Variants in NELL2 observed in about 807,000 individuals in gnomAD.
NELL2 encodes the protein protein kinase C-binding protein NELL2.
NELL2 carries 41 observed loss-of-function variants against 109.6 expected under a neutral mutation model. That is an observed-to-expected ratio of 0.37 (90% CI 0.29 to 0.49). The LOEUF (loss-of-function observed/expected upper bound fraction) is 0.49, where lower values mean the gene tolerates loss of function less well. Among genes scored for constraint, NELL2 ranks in the 20% least tolerant of loss-of-function variants. The pLI is 0.98. For missense variants in NELL2, 900 were observed against 1,008.3 expected (o/e 0.89, Z 1.45); for synonymous variants, 355 against 344.7 (o/e 1.03, Z -0.33).
chr12:44,644,601 T>C (rs1464671261), intron 13 of NELL2, among the ~76,000 whole-genome samples: 1 of 77,682 alleles, frequency 1.3e-5, no homozygotes, highest in African/African-American at 5.9e-5. Context: ...TATATATATA[T>C]ATGTATGTAT....
In NELL2 at chr12:44,586,319, T is replaced by C. The variant is rs552196485; in HGVS notation, c.1663+20850A>G. Among the ~76,000 whole-genome samples the C allele has an allele frequency of 1.0e-3, 157 of 150,104 alleles. 1 individual carries two copies. The highest frequency in any genetic ancestry group is 3.5e-3 in the African/African-American group (145 of 41,174). ...ATAGATATATACACACACACATATA[T>C]ATAAAATCATATATATCGTATGTAT... On this transcript the variant is annotated intron_variant, in intron 15 of 19. Coordinates refer to ENST00000429094, the MANE Select transcript of NELL2 (RefSeq NM_001145108.2).
chr12:44,804,173 C>T (rs1248787844), intron 3 of NELL2, among the ~76,000 whole-genome samples: 1 of 151,830 alleles, frequency 6.6e-6, no homozygotes, highest in Non-Finnish European at 1.5e-5. Context: ...ATCCCACAAT[C>T]AAGTGTAATT....
intron 15 of NELL2, among the ~76,000 whole-genome samples, chr12:44,586,775 G>A (rs752611018): frequency 6.6e-6 from 1 of 152,118 alleles, no homozygotes; most frequent in Non-Finnish European, 1.5e-5. Flanking sequence ...TAAGATATAA[G>A]GGTTATTTTT....
At chr12:44,794,785 C>T (rs116613682) in intron 3 of NELL2, among the ~76,000 whole-genome samples, 2,198 of 152,186 alleles carry the variant, frequency 0.014, 50 homozygotes, top group African/African-American at 0.05. Flanking sequence ...TAATTTTTAA[C>T]CTTATTTTTA....
intron 9 of NELL2, among the ~76,000 whole-genome samples, chr12:44,717,758 T>C (rs761811983): frequency 2.0e-5 from 3 of 152,116 alleles, no homozygotes; most frequent in Non-Finnish European, 4.4e-5. Context: ...GCCAGAGACA[T>C]AGCTTGGTGC....
chr12:44,512,954 G>T (rs115649001), intron 19 of NELL2, among the ~76,000 whole-genome samples: 1 of 151,926 alleles, frequency 6.6e-6, no homozygotes, highest in East Asian at 1.9e-4. Context: ...CAGAAATCTA[G>T]AAGAAAGGAT....
At chr12:44,865,959 G>A (rs1318177154) in intron 2 of NELL2, among the ~76,000 whole-genome samples, 3 of 152,078 alleles carry the variant, frequency 2.0e-5, no homozygotes, top group African/African-American at 7.2e-5. Flanking sequence ...AATGCATAAT[G>A]TGATATTATC....
chr12:44,871,344 T>C (rs1945154693), intron 2 of NELL2, among the ~76,000 whole-genome samples: 1 of 152,212 alleles, frequency 6.6e-6, no homozygotes, highest in Non-Finnish European at 1.5e-5. Context: ...CACTATGAAA[T>C]CAAAGTTAAG....
intron 15 of NELL2, among the ~76,000 whole-genome samples, chr12:44,551,583 T>C (rs991636943): frequency 6.6e-5 from 10 of 152,140 alleles, no homozygotes; most frequent in East Asian, 1.9e-4. Context: ...CCAAGTGCCT[T>C]CTCCCCCTTC....
At chr12:44,676,753 TC>T (rs879521952) in intron 12 of NELL2, among the ~76,000 whole-genome samples, 29 of 152,044 alleles carry the variant, frequency 1.9e-4, no homozygotes, top group Non-Finnish European at 3.5e-4. Flanking sequence ...TAGGAAAATC[TC>T]AGACAGGGTT....
chr12:44,822,393 G>T (rs1220187100), intron 2 of NELL2, among the ~76,000 whole-genome samples: 1 of 152,146 alleles, frequency 6.6e-6, no homozygotes, highest in Non-Finnish European at 1.5e-5. Flanking sequence ...CAAAATATCA[G>T]TTTCCAAGTT....
intron 15 of NELL2, among the ~76,000 whole-genome samples, chr12:44,599,296 C>T (rs1465566125): frequency 6.6e-6 from 1 of 151,814 alleles, no homozygotes; most frequent in Non-Finnish European, 1.5e-5. Context: ...TAGAGCAATG[C>T]TGTAAATTTT....
chr12:44,800,675 T>G (rs1942798260), intron 3 of NELL2, among the ~76,000 whole-genome samples: 1 of 152,196 alleles, frequency 6.6e-6, no homozygotes, highest in African/African-American at 2.4e-5. Context: ...TTCTCTTACG[T>G]TAACAATTTG....
chr12:44,833,782 T>C (rs576693161), intron 2 of NELL2, among the ~76,000 whole-genome samples: 1 of 152,288 alleles, frequency 6.6e-6, no homozygotes, highest in African/African-American at 2.4e-5. Context: ...CAATTTATGC[T>C]GTACAAAGGT....
chr12:44,892,049 G>T (rs2136870193), intron 1 of NELL2, among the ~76,000 whole-genome samples: 1 of 152,296 alleles, frequency 6.6e-6, no homozygotes, highest in African/African-American at 2.4e-5. Context: ...CCTGGTGATT[G>T]TTTCACACTG....
intron 16 of NELL2, among the ~76,000 whole-genome samples, chr12:44,529,643 G>A (rs923243246): frequency 6.6e-6 from 1 of 152,190 alleles, no homozygotes; most frequent in African/African-American, 2.4e-5. Context: ...GGTACCTGAA[G>A]CCAAGTGAGG....
intron 13 of NELL2, among the ~76,000 whole-genome samples, chr12:44,662,199 C>A (rs2030524192): frequency 6.6e-6 from 1 of 152,078 alleles, no homozygotes; most frequent in African/African-American, 2.4e-5. Flanking sequence ...CATATTTATT[C>A]CACTAACTTC....
intron 15 of NELL2, among the ~76,000 whole-genome samples, chr12:44,548,178 G>A (rs1029808183): frequency 1.3e-5 from 2 of 152,136 alleles, no homozygotes; most frequent in African/African-American, 2.4e-5. Flanking sequence ...ATGCACGAGT[G>A]GGATGCATTT....
chr12:44,620,428 C>A (rs1243421595), intron 13 of NELL2, among the ~76,000 whole-genome samples: 1 of 152,076 alleles, frequency 6.6e-6, no homozygotes, highest in South Asian at 2.1e-4. Context: ...ATTCAGAGAC[C>A]TGACAATGCT....
Sources: allele counts gnomAD v4.1 joint callset (sites outside exome capture counted in the v4.1 genomes callset), GRCh38; gene constraint gnomAD v4.1.1; transcripts MANE v1.5; gene names NCBI Gene and HGNC (gene_info 2026-07-23, HGNC 2026-07-21).